The following CCDC14 variants were observed in gnomAD, a reference collection of about 807,000 sequenced individuals.
The protein encoded by CCDC14 is coiled-coil domain containing 14.
Under a neutral mutation model 81.4 loss-of-function variants are expected in CCDC14, and 71 were observed. That is an observed-to-expected ratio of 0.87 (90% CI 0.72 to 1.06). The LOEUF is 1.06. Among genes scored for constraint, CCDC14 ranks in the 50% least tolerant of loss-of-function variants. The pLI is 0.00. For missense variants in CCDC14, 1,046 were observed against 1,047.3 expected (o/e 1.00, Z 0.02); for synonymous variants, 332 against 364.8 (o/e 0.91, Z 1.03).
At chr3:123,926,123 T>C (rs2035345732) in intron 12 of CCDC14, among the ~76,000 whole-genome samples, 2 of 152,210 alleles carry the variant, frequency 1.3e-5, no homozygotes. Context: ...AAAAAATTAC[T>C]GTTGCTATAG....
chr3:123,887,218 C>T, the CCDC14 span, among the ~76,000 whole-genome samples: 1 of 151,980 alleles, frequency 6.6e-6, no homozygotes, highest in Non-Finnish European at 1.5e-5. Context: ...TTTTACAGTT[C>T]TACAATTCTA....
At position 123,949,010 on chromosome 3, in the gene CCDC14, A is replaced by C. The variant is rs143579738; in HGVS notation, c.475T>G (p.Tyr159Asp). The C allele has an allele frequency of 5.6e-5, 91 of 1,613,922 alleles. No homozygotes were observed. The African/African-American group carries it at 1.1e-3, about 19-fold the overall frequency. Residue 159 changes from tyrosine to aspartate, a missense_variant, in exon 6 of 13, where the codon TAC becomes GAC. Physicochemically the swap from Tyr to Asp is radical, Grantham distance 160 (BLOSUM62 -3). Transcript: ENST00000409697. ...DHYRMYSPII[Y>D]QALCEHVQTQ... ...TGCACGTGCTCACAGAGGGCTTGGT[A>C]TATTATGGGTGAATACATTCTATAA...
At chr3:123,956,152 A>G (rs1385616381) in intron 3 of CCDC14, 37 bp from the exon 4 acceptor site, 2 of 1,485,434 alleles carry the variant, frequency 1.3e-6, no homozygotes, top group East Asian at 2.5e-5. Context: ...ACATTTGTAT[A>G]TGACTGTTAG....
intron 5 of CCDC14, among the ~76,000 whole-genome samples, chr3:123,950,182 G>C (rs1025600189): frequency 6.6e-6 from 1 of 152,030 alleles, no homozygotes; most frequent in Non-Finnish European, 1.5e-5. Flanking sequence ...GTAAATCATA[G>C]GTTATCAGTA....
downstream of CCDC14, among the ~76,000 whole-genome samples, chr3:123,896,890 C>T (rs867131185): frequency 7.2e-5 from 11 of 152,034 alleles, no homozygotes; most frequent in African/African-American, 2.7e-4. Context: ...AAGATAATAG[C>T]GATTTAAAGT....
At chr3:123,956,008 G>C in intron 4 of CCDC14, 38 bp downstream of exon 4, 2 of 1,528,830 alleles carry the variant, frequency 1.3e-6, no homozygotes, top group South Asian at 2.5e-5. Flanking sequence ...ATAATGACTT[G>C]AGATAAGGTG....
intron 9 of CCDC14, among the ~76,000 whole-genome samples, chr3:123,937,004 T>C (rs1003992276): frequency 1.3e-5 from 2 of 152,104 alleles, no homozygotes; most frequent in African/African-American, 4.8e-5. Context: ...TCACTCAACA[T>C]AGTAATTTTG....
rs1180266197 is a variant in CCDC14, at chr3:123,915,622, G to T, written c.1875C>A (p.Asn625Lys). The T allele has an allele frequency of 3.1e-6, 5 of 1,614,024 alleles. No homozygotes were observed. ...PGNNLTKSLL[N>K]IHDKQLQHDP... ...CATGTTGAAGTTGTTTATCATGAAT[G>T]TTCAAGAGTGATTTGGTAAGGTTAT... Residue 625 changes from asparagine to lysine, a missense_variant, in exon 13 of 13, where the codon AAC becomes AAA. By Grantham distance (94) the Asn-to-Lys change is moderately conservative. Coordinates refer to ENST00000409697, the MANE Select transcript of CCDC14 (RefSeq NM_001366335.1).
chr3:123,933,750 A>C lies in CCDC14; in HGVS notation c.1349T>G (p.Leu450Trp). 1 of 1,561,842 alleles carries C rather than the reference A, an allele frequency of 6.4e-7. No individual in the cohort carries two copies. Among genetic ancestry groups the C allele is most frequent in the Non-Finnish European group, 8.7e-7 (1 of 1,150,632 alleles). The change falls in exon 10 of 13, where the codon TTG becomes TGG. Residue 450 changes from leucine (L) to tryptophan (W), a missense_variant. By Grantham distance (61) the Leu-to-Trp change is moderately conservative (BLOSUM62 -2). Coordinates refer to ENST00000409697, the MANE Select transcript of CCDC14 (RefSeq NM_001366335.1). ...TCTGAGTTGCTGGTTCAAAATTCTC[A>C]ACTGCCTAAAGAAATAATGAAGAAC... is the stretch of plus-strand genomic sequence containing the variant. ...RSENAQLRRQ[L>W]RILNQQLREQ...
chr3:123,892,737 C>G (rs572004274), downstream of CCDC14, among the ~76,000 whole-genome samples: 4 of 151,846 alleles, frequency 2.6e-5, no homozygotes, highest in South Asian at 8.3e-4. Context: ...TTTCACAACT[C>G]TTCCCTGTCA....
intron 8 of CCDC14, among the ~76,000 whole-genome samples, chr3:123,946,332 C>G (rs1020156932): frequency 2.6e-5 from 4 of 152,002 alleles, no homozygotes; most frequent in Non-Finnish European, 5.9e-5. Flanking sequence ...TAAAAATACA[C>G]TGAAAAGGGC....
intron 9 of CCDC14, among the ~76,000 whole-genome samples, chr3:123,935,365 A>T (rs2035996006): frequency 6.6e-6 from 1 of 152,220 alleles, no homozygotes; most frequent in Non-Finnish European, 1.5e-5. Context: ...AACAAAATGT[A>T]AAATGTTCAT....
intron 1 of CCDC14, among the ~76,000 whole-genome samples, chr3:123,959,333 G>A (rs1003324400): frequency 3.3e-5 from 5 of 152,094 alleles, no homozygotes; most frequent in African/African-American, 1.2e-4. Context: ...TCCTAACAGG[G>A]GTTAGGTGAT....
intron 5 of CCDC14, chr3:123,955,625 C>A: frequency 5.5e-6 from 2 of 364,958 alleles, no homozygotes; most frequent in South Asian, 1.4e-4. Context: ...TCCTACAAAA[C>A]CCTGACAGTC....
At chr3:123,924,404 A>G (rs1168076285) in intron 12 of CCDC14, among the ~76,000 whole-genome samples, 1 of 152,202 alleles carries the variant, frequency 6.6e-6, no homozygotes, top group Non-Finnish European at 1.5e-5. Context: ...TATGACCTTG[A>G]AAGCACAGAT....
In CCDC14 at chr3:123,931,176, T is replaced by G. The variant is rs1370331548; in HGVS notation, c.1704A>C (p.Glu568Asp). The change falls in exon 12 of 13, where the codon GAA becomes GAC. Residue 568 changes from glutamate (E) to aspartate (D), a missense_variant. By Grantham distance (45) the Glu-to-Asp change is conservative (BLOSUM62 2). Transcript: ENST00000409697. The stretch of plus-strand genomic sequence containing the variant: ...TTATCCCCAATATCTGGTTTTCCTT[T>G]TCAGCAGTTTCTAACTTAAACTGGG... ...KSSQFKLETA[E>D]KENQILGITL... is the part of the protein sequence containing the mutation. 6.2e-7 allele frequency: 1 copy of G among 1,612,946 alleles called. No individual in the cohort carries two copies. Among genetic ancestry groups the G allele is most frequent in the Non-Finnish European group, 8.5e-7 (1 of 1,179,682 alleles).
chr3:123,910,957 G>A (rs9874389), downstream of CCDC14, among the ~76,000 whole-genome samples: 1 of 152,146 alleles, frequency 6.6e-6, no homozygotes, highest in African/African-American at 2.4e-5. Context: ...TACGTAAACT[G>A]ATAAAGACAT....
chr3:123,943,026 T>C (rs932863589), intron 9 of CCDC14, among the ~76,000 whole-genome samples: 5 of 152,008 alleles, frequency 3.3e-5, no homozygotes, highest in Admixed American at 1.3e-4. Flanking sequence ...GAAGTAAGTA[T>C]ATATCTGTGA....
chr3:123,924,774 G>T (rs1396783824), intron 12 of CCDC14, among the ~76,000 whole-genome samples: 2 of 152,046 alleles, frequency 1.3e-5, no homozygotes, highest in Admixed American at 6.6e-5. Flanking sequence ...TGAAGATGTG[G>T]AGAAAAGGAA....
Sources: gnomAD v4.1 joint callset for allele counts (sites outside exome capture counted in the v4.1 genomes callset) on GRCh38, gnomAD v4.1.1 for gene constraint, MANE v1.5 for transcripts, NCBI Gene and HGNC (gene_info 2026-07-23, HGNC 2026-07-21) for gene names.